The following DTNA variants were observed in gnomAD, a reference collection of about 807,000 sequenced individuals.
DTNA encodes the protein dystrophin-related protein 3.
Under a neutral mutation model 100.7 loss-of-function variants are expected in DTNA, and 43 were observed. The ratio of observed to expected loss-of-function variants is 0.43; its 90% confidence interval spans 0.33 to 0.55. The LOEUF (loss-of-function observed/expected upper bound fraction) is 0.55, where lower values mean the gene tolerates loss of function less well. Ranked by LOEUF, DTNA falls within the 20% of genes least tolerant of loss-of-function variation. The pLI is 0.04. For missense variants in DTNA, 798 were observed against 953.9 expected, an observed-to-expected ratio of 0.84 and a Z score of 2.15; for synonymous variants, 349 against 347.9, an observed-to-expected ratio of 1.00 and a Z score of -0.04.
At chr18:34,717,841 G>C (rs2084365199) in intron 1 of DTNA, among the ~76,000 whole-genome samples, 1 of 152,154 alleles carries the variant, frequency 6.6e-6, no homozygotes, top group Admixed American at 6.5e-5. Context: ...ACCAGGGAGA[G>C]ATGAGAATCA....
At chr18:34,802,763 T>A (rs1293622265) in intron 4 of DTNA, among the ~76,000 whole-genome samples, 1 of 152,200 alleles carries the variant, frequency 6.6e-6, no homozygotes, top group Non-Finnish European at 1.5e-5. Flanking sequence ...AGAAACATAA[T>A]TTTTTTGTTA....
intron 15 of DTNA, among the ~76,000 whole-genome samples, chr18:34,858,083 C>A (rs1352844386): frequency 6.6e-6 from 1 of 152,190 alleles, no homozygotes; most frequent in African/African-American, 2.4e-5. Context: ...TGAAGTCAAT[C>A]TTCCCGTCAC....
intron 1 of DTNA, among the ~76,000 whole-genome samples, chr18:34,550,351 T>G (rs1601735795): frequency 6.6e-6 from 1 of 152,092 alleles, no homozygotes; most frequent in Non-Finnish European, 1.5e-5. Context: ...GGTTGATTGA[T>G]TTATTGATTT....
At chr18:34,856,058 C>T (rs191409790) in intron 15 of DTNA, among the ~76,000 whole-genome samples, 8 of 152,256 alleles carry the variant, frequency 5.3e-5, no homozygotes, top group African/African-American at 1.4e-4. Flanking sequence ...TTGGATCGCA[C>T]TCTCTAAATG....
rs138085660 is a variant in DTNA, at chr18:34,820,858, C to G, written c.944C>G (p.Pro315Arg). 1.9e-6 allele frequency: 3 copies of G among 1,613,948 alleles called. No homozygotes were observed. The highest frequency in any genetic ancestry group is 2.2e-5 in the East Asian group (1 of 44,892). ...CTGAGCTGTGCTTCCAGCCGTGAAC[C>G]TTTGCACCCCATGTTCCCAGATCAG... ...KSLSCASSRE[P>R]LHPMFPDQPE... Residue 315 changes from proline to arginine, a missense_variant, in exon 9 of 23, where the codon CCT becomes CGT. Physicochemically the swap from Pro to Arg is moderately radical, Grantham distance 103. Transcript: ENST00000444659.
At chr18:34,824,928 A>G (rs2095821336) in intron 9 of DTNA, among the ~76,000 whole-genome samples, 1 of 133,580 alleles carries the variant, frequency 7.5e-6, no homozygotes, top group African/African-American at 3.1e-5. Context: ...AGCCTTAGAT[A>G]CAGTAAAAAA....
chr18:34,865,265 G>T (rs1307814582), intron 17 of DTNA, among the ~76,000 whole-genome samples: 1 of 150,222 alleles, frequency 6.7e-6, no homozygotes, highest in Non-Finnish European at 1.5e-5. Flanking sequence ...TCTTTTTTTT[G>T]TCTGTCCTTT....
intron 19 of DTNA, among the ~76,000 whole-genome samples, chr18:34,878,450 G>C (rs1372222003): frequency 6.6e-6 from 1 of 152,054 alleles, no homozygotes; most frequent in Non-Finnish European, 1.5e-5. Flanking sequence ...TGATGCTAAG[G>C]TTATTTTATA....
intron 1 of DTNA, among the ~76,000 whole-genome samples, chr18:34,646,965 C>T (rs1263547906): frequency 2.0e-5 from 3 of 151,582 alleles, no homozygotes; most frequent in South Asian, 2.1e-4. Context: ...CCACCCACCT[C>T]GGCCTCCCAA....
intron 1 of DTNA, among the ~76,000 whole-genome samples, chr18:34,550,924 T>G (rs993514138): frequency 6.6e-6 from 1 of 152,232 alleles, no homozygotes; most frequent in South Asian, 2.1e-4. Context: ...ATTCAGTTAA[T>G]TGTACAGCTT....
chr18:34,532,379 GA>G (rs2043225508), intron 1 of DTNA, among the ~76,000 whole-genome samples: 1 of 152,190 alleles, frequency 6.6e-6, no homozygotes, highest in African/African-American at 2.4e-5. Flanking sequence ...CTCTTTTGTG[GA>G]ACTGTAAAAA....
chr18:34,859,325 T>C (rs1437207060), intron 16 of DTNA, among the ~76,000 whole-genome samples: 1 of 152,228 alleles, frequency 6.6e-6, no homozygotes, highest in Non-Finnish European at 1.5e-5. Context: ...AGCAGATTTA[T>C]TGAAACGAAA....
chr18:34,624,777 A>G (rs1453568896), intron 1 of DTNA, among the ~76,000 whole-genome samples: 3 of 152,356 alleles, frequency 2.0e-5, no homozygotes, highest in Non-Finnish European at 2.9e-5. Context: ...CAGCTGTGAT[A>G]AGTGCTTTAA....
chr18:34,695,934 A>C (rs931752373), intron 1 of DTNA, among the ~76,000 whole-genome samples: 25 of 152,162 alleles, frequency 1.6e-4, no homozygotes, highest in African/African-American at 6.0e-4. Context: ...GTGGTTAAGG[A>C]TTCTGAAACA....
At chr18:34,768,367 A>G (rs752840324) in intron 3 of DTNA, among the ~76,000 whole-genome samples, 11 of 152,182 alleles carry the variant, frequency 7.2e-5, no homozygotes, top group Non-Finnish European at 1.2e-4. Flanking sequence ...GGAAAAGGAA[A>G]GGAAGGAAGG....
chr18:34,811,820 T>C (rs2095492037), intron 5 of DTNA, 139 bp from the exon 6 acceptor site: 1 of 1,014,402 alleles, frequency 9.9e-7, no homozygotes, highest in Non-Finnish European at 1.5e-6. Context: ...TATTTCAGCA[T>C]AAAAATTAGC....
chr18:34,868,237 C>A, intron 17 of DTNA: 3 of 251,876 alleles, frequency 1.2e-5, no homozygotes, highest in Non-Finnish European at 1.2e-5. Context: ...TTTCTGTTGG[C>A]ATAAAATATG....
At chr18:34,676,749 T>C (rs58057393) in intron 1 of DTNA, among the ~76,000 whole-genome samples, 4,456 of 152,208 alleles carry the variant, frequency 0.029, 202 homozygotes, top group African/African-American at 0.099. Flanking sequence ...ATGGGAAGAT[T>C]GCTTGAGCCT....
chr18:34,746,179 T>C (rs1458965262), intron 1 of DTNA, among the ~76,000 whole-genome samples: 5 of 148,910 alleles, frequency 3.4e-5, no homozygotes, highest in Non-Finnish European at 7.5e-5. Context: ...AACAGTCTTC[T>C]AATTTGGGGG....
Sources: gnomAD v4.1 joint callset for allele counts (sites outside exome capture counted in the v4.1 genomes callset) on GRCh38, gnomAD v4.1.1 for gene constraint, MANE v1.5 for transcripts, NCBI Gene and HGNC (gene_info 2026-07-23, HGNC 2026-07-21) for gene names.